The following GARIN1A variants were observed in gnomAD, a reference collection of about 807,000 sequenced individuals.
GARIN1A encodes the protein golgi associated RAB2 interactor 1A.
chr7:128,674,506 C>T, the GARIN1A span, among the ~76,000 whole-genome samples: 1 of 152,184 alleles, frequency 6.6e-6, no homozygotes, highest in Non-Finnish European at 1.5e-5. Context: ...TTCCTCTCTC[C>T]CCCTTCCTGC....
the GARIN1A span, among the ~76,000 whole-genome samples, chr7:128,681,876 A>C: frequency 3.1e-5 from 4 of 129,408 alleles, no homozygotes; most frequent in South Asian, 8.0e-4. Flanking sequence ...ATCTGGCCAC[A>C]CTGCACCCCC....
At chr7:128,689,771 C>T in the GARIN1A span, among the ~76,000 whole-genome samples, 2 of 116,260 alleles carry the variant, frequency 1.7e-5, no homozygotes, top group African/African-American at 3.0e-5. Context: ...CCAGCCACCC[C>T]GTCCGGGAGG....
chr7:128,672,484 A>C, the GARIN1A span: 1 of 1,609,420 alleles, frequency 6.2e-7, no homozygotes, highest in Non-Finnish European at 8.5e-7. Context: ...TTCTTTGTCA[A>C]CTGATTCATT....
the GARIN1A span, among the ~76,000 whole-genome samples, chr7:128,703,544 G>C: frequency 6.6e-6 from 1 of 152,076 alleles, no homozygotes; most frequent in African/African-American, 2.4e-5. Flanking sequence ...TAATCCCAGC[G>C]CTTTGGGAGG....
chr7:128,677,868 TGTAA>T, the GARIN1A span: 35 of 1,423,796 alleles, frequency 2.5e-5, no homozygotes, highest in East Asian at 8.3e-4. Flanking sequence ...TAAGTATATA[TGTAA>T]GTGTCTGTGT....
At chr7:128,689,813 C>T in the GARIN1A span, among the ~76,000 whole-genome samples, 4 of 148,692 alleles carry the variant, frequency 2.7e-5, 1 homozygote, top group Non-Finnish European at 4.5e-5. Context: ...CCCAGCCAGC[C>T]GCCCCGTCCG....
At chr7:128,685,669 T>TGAGG in the GARIN1A span, 1 of 152,238 alleles carries the variant, frequency 6.6e-6, no homozygotes, top group African/African-American at 2.4e-5. Flanking sequence ...TTGGTGCTGG[T>TGAGG]GAGGGACATC....
At chr7:128,675,602 A>G in the GARIN1A span, 3 of 1,517,972 alleles carry the variant, frequency 2.0e-6, no homozygotes, top group African/African-American at 1.4e-5. Flanking sequence ...ATGATGTGCC[A>G]CTTTCCAGCA....
the GARIN1A span, among the ~76,000 whole-genome samples, chr7:128,706,038 CCT>C: frequency 1.3e-5 from 2 of 151,520 alleles, no homozygotes; most frequent in Non-Finnish European, 2.9e-5. Flanking sequence ...TCTCTCTCTC[CCT>C]CTCTCTCTCA....
At chr7:128,680,484 A>G in the GARIN1A span, among the ~76,000 whole-genome samples, 2 of 152,162 alleles carry the variant, frequency 1.3e-5, no homozygotes, top group African/African-American at 4.8e-5. Context: ...CAAGCTCACA[A>G]GGATCCCTGG....
chr7:128,699,990 C>A, the GARIN1A span, among the ~76,000 whole-genome samples: 2 of 152,060 alleles, frequency 1.3e-5, no homozygotes, highest in Non-Finnish European at 2.9e-5. Context: ...GGTTTAAAGT[C>A]CATTTGACTA....
At chr7:128,684,614 C>CAAAAAAAAAAAAAAAAA in the GARIN1A span, 1 of 92,362 alleles carries the variant, frequency 1.1e-5, no homozygotes, top group Non-Finnish European at 2.0e-5. Flanking sequence ...GACTCCATCT[C>CAAAAAAAAAAAAAAAAA]AAAAAAAAAA....
chr7:128,700,847 C>T, the GARIN1A span, among the ~76,000 whole-genome samples: 11 of 152,266 alleles, frequency 7.2e-5, no homozygotes, highest in East Asian at 1.9e-3. Flanking sequence ...CACACACACA[C>T]ACGATGCACT....
At chr7:128,672,272 C>A in the GARIN1A span, 1 of 734,182 alleles carries the variant, frequency 1.4e-6, no homozygotes, top group Non-Finnish European at 2.2e-6. Flanking sequence ...CCCTGGTGGA[C>A]AGCCCGTAAG....
At chr7:128,699,317 G>A in the GARIN1A span, among the ~76,000 whole-genome samples, 1 of 133,614 alleles carries the variant, frequency 7.5e-6, no homozygotes, top group Admixed American at 8.6e-5. Flanking sequence ...CACTTCAACT[G>A]CTTCTTATTT....
the GARIN1A span, among the ~76,000 whole-genome samples, chr7:128,682,717 A>C: frequency 6.6e-6 from 1 of 152,074 alleles, no homozygotes; most frequent in African/African-American, 2.4e-5. Flanking sequence ...AGCTGGAATT[A>C]CAGGCGTGTG....
chr7:128,704,997 AG>A, the GARIN1A span, among the ~76,000 whole-genome samples: 1 of 152,216 alleles, frequency 6.6e-6, no homozygotes, highest in Non-Finnish European at 1.5e-5. Flanking sequence ...AGTTCAAAAT[AG>A]GTCAATGGAA....
At chr7:128,677,165 G>A in the GARIN1A span, among the ~76,000 whole-genome samples, 1 of 151,768 alleles carries the variant, frequency 6.6e-6, no homozygotes, top group Admixed American at 6.6e-5. Context: ...GAGGTAGGAG[G>A]CCAGTGTCGC....
chr7:128,688,770 TCCCCTCCCCCTCCCCCTCC>T, the GARIN1A span, among the ~76,000 whole-genome samples: 1 of 6,974 alleles, frequency 1.4e-4, no homozygotes, highest in Non-Finnish European at 2.7e-4. Context: ...CCCCTCCCCC[TCCCCTCCCCCTCCCCCTCC>T]CCCCTCCCTC....
Sources: gnomAD v4.1 joint callset for allele counts (sites outside exome capture counted in the v4.1 genomes callset) on GRCh38, gnomAD v4.1.1 for gene constraint, MANE v1.5 for transcripts, NCBI Gene and HGNC (gene_info 2026-07-23, HGNC 2026-07-21) for gene names.